Variants in NEK11 observed in about 807,000 individuals in gnomAD.
NEK11 encodes serine/threonine-protein kinase Nek11.
Under a neutral mutation model 80.7 loss-of-function variants are expected in NEK11, and 72 were observed. The ratio of observed to expected loss-of-function variants is 0.89; its 90% CI spans 0.74 to 1.08. The LOEUF is 1.08. Among genes scored for constraint, NEK11 ranks in the 50% least tolerant of loss-of-function variants. NEK11 has a pLI of 0.00. For synonymous variants in NEK11, 251 were observed against 260.7 expected (o/e 0.96, Z 0.36); for missense variants, 764 against 763.6 (o/e 1.00, Z -0.01).
At chr3:131,255,424 C>T (rs769708542) in intron 16 of NEK11, among the ~76,000 whole-genome samples, 4 of 152,076 alleles carry the variant, frequency 2.6e-5, no homozygotes, top group Non-Finnish European at 5.9e-5. Flanking sequence ...CTTTTCAGAT[C>T]GTACTTTAAA....
chr3:131,325,710 C>T (rs1373098675), intron 17 of NEK11: 1 of 152,126 alleles, frequency 6.6e-6, no homozygotes, highest in Admixed American at 6.5e-5. Flanking sequence ...TTCTTACTAC[C>T]TGTCCTGCAA....
intron 14 of NEK11, among the ~76,000 whole-genome samples, chr3:131,203,159 G>A (rs907078454): frequency 2.6e-5 from 4 of 152,202 alleles, no homozygotes; most frequent in African/African-American, 9.6e-5. Context: ...ATTCACAATA[G>A]CAAACACTTG....
intron 14 of NEK11, among the ~76,000 whole-genome samples, chr3:131,194,241 T>C (rs2093913642): frequency 6.6e-6 from 1 of 152,226 alleles, no homozygotes; most frequent in Non-Finnish European, 1.5e-5. Flanking sequence ...TTTTCTCTTG[T>C]AAAGATATAT....
chr3:131,080,966 C>T (rs1047969437), intron 4 of NEK11, among the ~76,000 whole-genome samples: 1 of 151,732 alleles, frequency 6.6e-6, no homozygotes, highest in African/African-American at 2.4e-5. Context: ...AAAAATTAGC[C>T]GGGCGTGGTT....
intron 3 of NEK11, among the ~76,000 whole-genome samples, chr3:131,039,437 A>G (rs532925841): frequency 6.6e-6 from 1 of 152,304 alleles, no homozygotes; most frequent in Non-Finnish European, 1.5e-5. Flanking sequence ...ATTTCCTCCA[A>G]CAACTTTTGG....
At chr3:131,264,844 G>C (rs1487340762) in intron 16 of NEK11, among the ~76,000 whole-genome samples, 3 of 152,152 alleles carry the variant, frequency 2.0e-5, no homozygotes, top group Non-Finnish European at 4.4e-5. Flanking sequence ...TCCTATCCAT[G>C]AGCATGGAAT....
intron 14 of NEK11, among the ~76,000 whole-genome samples, chr3:131,201,211 T>TCA (rs1383800837): frequency 1.4e-5 from 2 of 148,010 alleles, no homozygotes; most frequent in African/African-American, 5.0e-5. Context: ...ATATATACTT[T>TCA]CATATATATA....
intron 4 of NEK11, among the ~76,000 whole-genome samples, chr3:131,083,333 C>G (rs1212544226): frequency 6.7e-6 from 1 of 149,058 alleles, no homozygotes; most frequent in Non-Finnish European, 1.5e-5. Context: ...CTGAGCTGCT[C>G]TCCCGGGAGG....
chr3:131,326,211 T>C (rs2096964103), intron 17 of NEK11: 1 of 152,210 alleles, frequency 6.6e-6, no homozygotes, highest in African/African-American at 2.4e-5. Context: ...GGTGCTTCTG[T>C]TGATTTGCTC....
At chr3:131,256,942 G>C (rs72991544) in intron 16 of NEK11, among the ~76,000 whole-genome samples, 1 of 151,948 alleles carries the variant, frequency 6.6e-6, no homozygotes, top group African/African-American at 2.4e-5. Context: ...TGTTCCTACC[G>C]CAAACCTGCC....
chr3:131,231,443 A>G (rs552878691), intron 15 of NEK11, among the ~76,000 whole-genome samples: 131 of 147,764 alleles, frequency 8.9e-4, no homozygotes, highest in African/African-American at 3.2e-3. Flanking sequence ...GGCATAAGGG[A>G]AACAGAAGTG....
At chr3:131,066,840 C>CAAAAA (rs56140132) in intron 3 of NEK11, among the ~76,000 whole-genome samples, 4 of 99,720 alleles carry the variant, frequency 4.0e-5, no homozygotes, top group Non-Finnish European at 7.6e-5. Context: ...AGACTTGTCT[C>CAAAAA]AAAAAAAAAA....
chr3:131,099,034 A>G (rs1402602535), intron 4 of NEK11, among the ~76,000 whole-genome samples: 1 of 152,198 alleles, frequency 6.6e-6, no homozygotes, highest in Non-Finnish European at 1.5e-5. Context: ...GAACTTAGCC[A>G]GAAATTCTTT....
chr3:131,228,585 A>C lies in NEK11; in HGVS notation c.1457A>C (p.Tyr486Ser). 1 of 1,613,578 alleles carries C rather than the reference A, an allele frequency of 6.2e-7. No homozygotes were observed. Among genetic ancestry groups the C allele is most frequent in the Non-Finnish European group, 8.5e-7 (1 of 1,179,588 alleles). ...EEYYADAFDS[Y>S]CEESDEEEEE... ...TACTACGCTGATGCATTTGATTCCT[A>C]TTGTGAAGAGAGTGATGAGGAGGAA... Residue 486 changes from tyrosine to serine, a missense_variant, in exon 15 of 18, where the codon TAT becomes TCT. Coordinates refer to ENST00000383366, the MANE Select transcript of NEK11 (RefSeq NM_024800.5).
At chr3:131,086,052 A>G (rs1293316263) in intron 4 of NEK11, among the ~76,000 whole-genome samples, 2 of 152,168 alleles carry the variant, frequency 1.3e-5, no homozygotes, top group Non-Finnish European at 2.9e-5. Flanking sequence ...CAAGACTACT[A>G]CAATAGTAGT....
At chr3:131,158,356 G>A (rs2718875) in intron 10 of NEK11, among the ~76,000 whole-genome samples, 5 of 152,088 alleles carry the variant, frequency 3.3e-5, no homozygotes, top group African/African-American at 4.8e-5. Flanking sequence ...CCCTGCCAGC[G>A]TGCATGTGCA....
At chr3:131,074,027 G>C (rs944812950) in intron 3 of NEK11, among the ~76,000 whole-genome samples, 1 of 152,162 alleles carries the variant, frequency 6.6e-6, no homozygotes, top group Non-Finnish European at 1.5e-5. Context: ...TTCTACACTA[G>C]CTCCCAGAGT....
chr3:131,113,722 C>T (rs2080509061), intron 5 of NEK11, among the ~76,000 whole-genome samples: 1 of 151,992 alleles, frequency 6.6e-6, no homozygotes, highest in South Asian at 2.1e-4. Context: ...ACTAGCCTGG[C>T]CGACATAGTG....
intron 7 of NEK11, among the ~76,000 whole-genome samples, chr3:131,136,763 C>T (rs2085668123): frequency 6.6e-6 from 1 of 152,162 alleles, no homozygotes; most frequent in Non-Finnish European, 1.5e-5. Flanking sequence ...GAGAACAATG[C>T]TTTGATCACA....
Sources: allele counts gnomAD v4.1 joint callset (sites outside exome capture counted in the v4.1 genomes callset), GRCh38; gene constraint gnomAD v4.1.1; transcripts MANE v1.5; gene names NCBI Gene and HGNC (gene_info 2026-07-23, HGNC 2026-07-21).